ADAMTS12: variants seen among roughly 807,000 people sequenced by gnomAD.
ADAMTS12 encodes the protein A disintegrin and metalloproteinase with thrombospondin motifs 12.
In ADAMTS12, 118 loss-of-function variants were observed where a neutral mutation model predicts 167.8. That is an observed-to-expected ratio of 0.70 (90% CI 0.61 to 0.82). The LOEUF (loss-of-function observed/expected upper bound fraction) is 0.82, where lower values mean the gene tolerates loss of function less well. ADAMTS12 is among the 40% of genes least tolerant of loss of function. The pLI is 0.00. For missense variants in ADAMTS12, 1,916 were observed against 1,998.8 expected, an observed-to-expected ratio of 0.96 and a Z score of 0.79; for synonymous variants, 704 against 716.9, an observed-to-expected ratio of 0.98 and a Z score of 0.29.
intron 3 of ADAMTS12, among the ~76,000 whole-genome samples, chr5:33,717,987 T>C (rs1042028817): frequency 6.6e-6 from 1 of 152,216 alleles, no homozygotes; most frequent in Non-Finnish European, 1.5e-5. Context: ...GTGTTCCCAT[T>C]TGTGAGGCAA....
chr5:33,744,510 T>C (rs1291082544), intron 3 of ADAMTS12, among the ~76,000 whole-genome samples: 3 of 152,076 alleles, frequency 2.0e-5, no homozygotes, highest in Non-Finnish European at 4.4e-5. Flanking sequence ...GGGAAAGATA[T>C]GATTTGATTT....
At chr5:33,624,803 C>T (rs1181218628) in intron 13 of ADAMTS12, among the ~76,000 whole-genome samples, 1 of 152,228 alleles carries the variant, frequency 6.6e-6, no homozygotes, top group Non-Finnish European at 1.5e-5. Flanking sequence ...ATCTGACCTT[C>T]ACCTGGACTT....
At position 33,881,390 on chromosome 5, in the gene ADAMTS12, T is replaced by C. The variant is rs201591498; in HGVS notation, c.218A>G (p.Tyr73Cys). The change falls in exon 2 of 24, where the codon TAT becomes TGT. Residue 73 changes from tyrosine to cysteine, a missense_variant. Tyr to Cys is a radical substitution (Grantham distance 194). Coordinates refer to ENST00000504830, the MANE Select transcript of ADAMTS12 (RefSeq NM_030955.4). Reference sequence around the variant, plus strand: ...CTTCCTCCTGCTGCTCGTGATGGGATAGTGCAAGCCATATGACAAAAAATG... The same window carrying C: ...CTTCCTCCTGCTGCTCGTGATGGGACAGTGCAAGCCATATGACAAAAAATG... The part of the protein sequence containing the change: ...SGHFLSYGLH[Y>C]PITSSRRKRD... 1.3e-4 allele frequency: 214 copies of C among 1,614,054 alleles called. 1 individual carries two copies. The highest frequency in any genetic ancestry group is 1.7e-5 in the Non-Finnish European group (20 of 1,180,030).
rs151194486 is a variant in ADAMTS12 at position 33,875,171 on chromosome 5, G to A, written c.489+5948C>T. 1.4e-3 allele frequency among the ~76,000 whole-genome samples: 210 copies of A among 152,362 alleles called. 1 individual carries two copies. Among genetic ancestry groups the A allele is most frequent in the African/African-American group, 4.7e-3 (197 of 41,590 alleles). Reference sequence around the variant, plus strand: ...AAAGATCAGTGGTTTCCAGGGGTAGGAGAGTGGAGAAATGAATAGGTGGAG... The same window carrying A: ...AAAGATCAGTGGTTTCCAGGGGTAGAAGAGTGGAGAAATGAATAGGTGGAG... On this transcript the variant is annotated intron_variant, in intron 2 of 23. Transcript: ENST00000504830.
At chr5:33,747,016 C>A (rs1025722543) in intron 3 of ADAMTS12, among the ~76,000 whole-genome samples, 1 of 152,166 alleles carries the variant, frequency 6.6e-6, no homozygotes, top group Non-Finnish European at 1.5e-5. Flanking sequence ...CAATGAATTT[C>A]TTAATATATA....
chr5:33,657,924 C>T (rs1271296602), intron 7 of ADAMTS12, among the ~76,000 whole-genome samples: 1 of 152,164 alleles, frequency 6.6e-6, no homozygotes, highest in African/African-American at 2.4e-5. Flanking sequence ...CCATTCTAAT[C>T]CAGAGAACTG....
At position 33,656,639 on chromosome 5, in the gene ADAMTS12, T is replaced by C. The variant is rs115601185; in HGVS notation, c.1190+1545A>G. 3.1e-3 allele frequency among the ~76,000 whole-genome samples: 468 copies of C among 152,336 alleles called. 4 individuals are homozygous for C. Among genetic ancestry groups the C allele is most frequent in the African/African-American group, 0.011 (448 of 41,586 alleles). Reference sequence around the variant, plus strand: ...TGGTTTGAGTATACCATTGTTGGGATGGCTTGAGTGATAACTTCTCAGTTT... The same window carrying C: ...TGGTTTGAGTATACCATTGTTGGGACGGCTTGAGTGATAACTTCTCAGTTT... On this transcript the variant is annotated intron_variant, in intron 7 of 23. Transcript: ENST00000504830.
At chr5:33,626,446 T>C (rs62640992) in intron 13 of ADAMTS12, among the ~76,000 whole-genome samples, 110,747 of 149,602 alleles carry the variant, frequency 0.74, 42,515 homozygotes, top group Non-Finnish European at 0.85. Flanking sequence ...ATGGTAGTGA[T>C]TTGATGGTAA....
chr5:33,800,495 C>T (rs1252723501), intron 2 of ADAMTS12, among the ~76,000 whole-genome samples: 1 of 152,150 alleles, frequency 6.6e-6, no homozygotes, highest in Non-Finnish European at 1.5e-5. Flanking sequence ...TGAGTTTTGG[C>T]CGTTTCCCAT....
At chr5:33,864,551 C>A (rs1330414345) in intron 2 of ADAMTS12, among the ~76,000 whole-genome samples, 2 of 152,160 alleles carry the variant, frequency 1.3e-5, no homozygotes, top group Non-Finnish European at 2.9e-5. Context: ...ATGTTTATTG[C>A]AGCACTATTC....
intron 3 of ADAMTS12, among the ~76,000 whole-genome samples, chr5:33,710,940 C>G (rs908746310): frequency 6.6e-6 from 1 of 152,106 alleles, no homozygotes. Context: ...GGCAAGTGGT[C>G]TAAGAGACTC....
At chr5:33,873,156 T>C (rs576789365) in intron 2 of ADAMTS12, among the ~76,000 whole-genome samples, 78 of 147,378 alleles carry the variant, frequency 5.3e-4, no homozygotes, top group African/African-American at 1.8e-3. Flanking sequence ...ACGTGAATGC[T>C]ATGTAGATTT....
intron 2 of ADAMTS12, among the ~76,000 whole-genome samples, chr5:33,762,009 A>G (rs1745376072): frequency 6.6e-6 from 1 of 151,484 alleles, no homozygotes; most frequent in Non-Finnish European, 1.5e-5. Flanking sequence ...CCTGGCCAAT[A>G]TGGTGAAACC....
intron 2 of ADAMTS12, among the ~76,000 whole-genome samples, chr5:33,830,697 T>C (rs1748265172): frequency 6.6e-6 from 1 of 151,996 alleles, no homozygotes; most frequent in Admixed American, 6.6e-5. Flanking sequence ...GAGGCTGAGA[T>C]GGGAGTGCTG....
intron 2 of ADAMTS12, among the ~76,000 whole-genome samples, chr5:33,756,212 C>G (rs1020329875): frequency 2.6e-5 from 4 of 152,208 alleles, no homozygotes; most frequent in African/African-American, 9.7e-5. Context: ...AGAGGCAAAC[C>G]CATGGCCTCT....
intron 2 of ADAMTS12, among the ~76,000 whole-genome samples, chr5:33,875,234 G>A (rs1378636578): frequency 6.6e-6 from 1 of 152,184 alleles, no homozygotes; most frequent in East Asian, 1.9e-4. Flanking sequence ...TCCTCTATAT[G>A]AGAATATAAT....
chr5:33,716,257 C>A (rs958290708), intron 3 of ADAMTS12, among the ~76,000 whole-genome samples: 7 of 152,060 alleles, frequency 4.6e-5, no homozygotes, highest in African/African-American at 1.4e-4. Flanking sequence ...TCTTTTAAGT[C>A]TGCCCTCACC....
intron 5 of ADAMTS12, among the ~76,000 whole-genome samples, chr5:33,673,635 C>T (rs1741798490): frequency 6.6e-6 from 1 of 151,810 alleles, no homozygotes; most frequent in South Asian, 2.1e-4. Context: ...ATCCATCCTC[C>T]TCACTGTTGG....
intron 2 of ADAMTS12, among the ~76,000 whole-genome samples, chr5:33,753,109 T>C (rs1478382223): frequency 1.3e-5 from 2 of 152,090 alleles, no homozygotes; most frequent in African/African-American, 4.8e-5. Context: ...TCCTCTTCTG[T>C]AAAAGGGGGC....
Sources: allele counts gnomAD v4.1 joint callset (sites outside exome capture counted in the v4.1 genomes callset), GRCh38; gene constraint gnomAD v4.1.1; transcripts MANE v1.5; gene names NCBI Gene and HGNC (gene_info 2026-07-23, HGNC 2026-07-21).